Variants in EXD3 observed in about 807,000 individuals in gnomAD.
The protein encoded by EXD3 is exonuclease 3'-5' domain containing 3.
EXD3 carries 92 observed loss-of-function variants against 98.0 expected under a neutral mutation model. That is an observed-to-expected ratio of 0.94 (90% CI 0.79 to 1.12). The LOEUF is 1.12. EXD3 is among the 50% of genes most tolerant of loss of function. The pLI, the probability that EXD3 is intolerant of heterozygous loss-of-function variation, is 0.00. For missense variants in EXD3, 1,222 were observed against 1,191.6 expected (o/e 1.03, Z -0.38); for synonymous variants, 569 against 526.0 (o/e 1.08, Z -1.12).
chr9:137,312,422 C>A (rs1045619086), intron 19 of EXD3, among the ~76,000 whole-genome samples: 1 of 152,220 alleles, frequency 6.6e-6, no homozygotes, highest in South Asian at 2.1e-4. Context: ...GCCGTGCCAG[C>A]CCTGACACAG....
chr9:137,396,594 A>C (rs1053355683), intron 1 of EXD3, among the ~76,000 whole-genome samples: 4 of 152,216 alleles, frequency 2.6e-5, no homozygotes, highest in Non-Finnish European at 5.9e-5. Context: ...CCGCCCAGGC[A>C]GGGTAAGAAT....
At chr9:137,309,870 C>T (rs186000623) in intron 19 of EXD3, among the ~76,000 whole-genome samples, 170 bp from the exon 20 acceptor site, 63 of 152,344 alleles carry the variant, frequency 4.1e-4, no homozygotes, top group African/African-American at 1.4e-3. Flanking sequence ...CAGGCCATAC[C>T]GCCTCCTGGA....
intron 14 of EXD3, among the ~76,000 whole-genome samples, chr9:137,350,403 T>TC (rs1588319223): frequency 4.1e-5 from 2 of 49,304 alleles, no homozygotes; most frequent in Admixed American, 2.7e-4. Context: ...CGGGGAGGGG[T>TC]TAGATAGAGA....
intron 17 of EXD3, among the ~76,000 whole-genome samples, chr9:137,346,238 CAAAAAAA>C (rs563761495): frequency 0.022 from 301 of 13,580 alleles, 2 homozygotes; most frequent in Non-Finnish European, 0.033. Flanking sequence ...GACTCCGTCT[CAAAAAAA>C]AAAAAAAAAA....
At chr9:137,370,604 GAA>G (rs71387830) in intron 5 of EXD3, among the ~76,000 whole-genome samples, 40 of 129,878 alleles carry the variant, frequency 3.1e-4, no homozygotes, top group African/African-American at 7.4e-4. Flanking sequence ...CTGCTTTCAG[GAA>G]AAAAAAAAAA....
chr9:137,378,029 G>A (rs919474081), intron 3 of EXD3, among the ~76,000 whole-genome samples: 2 of 151,474 alleles, frequency 1.3e-5, no homozygotes, highest in Non-Finnish European at 2.9e-5. Context: ...TCCTGACCTC[G>A]TGATTCGCCT....
intron 2 of EXD3, among the ~76,000 whole-genome samples, chr9:137,383,597 C>A (rs916101499): frequency 1.9e-4 from 29 of 152,222 alleles, no homozygotes; most frequent in African/African-American, 6.3e-4. Context: ...GGCCGCCCAT[C>A]CAGCTGAGTC....
At chr9:137,394,133 C>A (rs987643113) in intron 2 of EXD3, among the ~76,000 whole-genome samples, 15 of 151,388 alleles carry the variant, frequency 9.9e-5, no homozygotes, top group Non-Finnish European at 2.2e-4. Flanking sequence ...TAACCCCAGC[C>A]TCCCAGCCTC....
At position 137,332,618 on chromosome 9, in the gene EXD3, C is replaced by T. The variant is rs984595601; in HGVS notation, c.1999-8475G>A. Reference sequence around the variant, plus strand: ...CAGCACTTTGGGAGGCCAAGGCGGGCAGATCACAAGGTCAGGAGATCGAGA... The same window carrying T: ...CAGCACTTTGGGAGGCCAAGGCGGGTAGATCACAAGGTCAGGAGATCGAGA... On this transcript the variant is annotated intron_variant, in intron 17 of 21. Transcript: ENST00000340951. 6.4e-4 allele frequency among the ~76,000 whole-genome samples: 97 copies of T among 150,480 alleles called. 1 individual carries two copies. Among genetic ancestry groups the T allele is most frequent in the African/African-American group, 2.3e-3 (95 of 40,990 alleles).
chr9:137,394,704 CGAGCG>C (rs890128565), intron 2 of EXD3, among the ~76,000 whole-genome samples: 1 of 46,936 alleles, frequency 2.1e-5, no homozygotes, highest in African/African-American at 6.4e-5. Context: ...GGCAGCCGAG[CGAGCG>C]GGGATGCGGC....
chr9:137,308,634 C>CT (rs572242584), intron 20 of EXD3, among the ~76,000 whole-genome samples: 1,973 of 135,948 alleles, frequency 0.015, 32 homozygotes, highest in Middle Eastern at 0.027. Context: ...TGGACTGACC[C>CT]TTTTTTTTTT....
At chr9:137,355,497 G>GACCTAGAAACACTGCAA (rs1564508303) in intron 8 of EXD3, among the ~76,000 whole-genome samples, 2 of 44,750 alleles carry the variant, frequency 4.5e-5, no homozygotes, top group Non-Finnish European at 1.0e-4. Context: ...GAGGATGGAG[G>GACCTAGAAACACTGCAA]AAGGAGGAAG....
At chr9:137,352,494 C>G (rs1834358121) in intron 11 of EXD3, 126 bp downstream of exon 11, 2 of 1,063,236 alleles carry the variant, frequency 1.9e-6, no homozygotes, top group African/African-American at 1.6e-5. Flanking sequence ...TAGCTGCGCT[C>G]TTTGTTTTGT....
Position 137,392,987 on chromosome 9 carries a change from G to A in EXD3, c.55+2316C>T, listed in dbSNP as rs139172267. 3.9e-3 allele frequency: 2,258 copies of A among 580,368 alleles called. 53 individuals carry two copies. In the African/African-American group the frequency reaches 0.041, roughly 10 times the overall value. 36.0% of individuals were successfully genotyped at this position (580,368 alleles called of 1,614,324 possible). ...TGCTGAGGCTGTTCCAGGGGGCACC[G>A]AGGCTGTTCTCGGTGGGGGTGCCGT... On this transcript the variant is annotated intron_variant, in intron 2 of 21. Coordinates refer to ENST00000340951, the MANE Select transcript of EXD3 (RefSeq NM_017820.5).
Position 137,354,781 on chromosome 9 carries a change from G to A in EXD3, c.758-8C>T, listed in dbSNP as rs780840916. 1 of 1,608,152 alleles carries A rather than the reference G, an allele frequency of 6.2e-7. No individual in the cohort carries two copies. Among genetic ancestry groups the A allele is most frequent in the South Asian group, 1.1e-5 (1 of 90,854 alleles). ...CCGCGTTGGGACACAGCGCTGAAAGGAAAGGCCAGCTCAGCACTGAGGGCT... is the reference window on the plus strand; with the variant it reads ...CCGCGTTGGGACACAGCGCTGAAAGAAAAGGCCAGCTCAGCACTGAGGGCT... On this transcript the variant is annotated splice_polypyrimidine_tract_variant and splice_region_variant and intron_variant, in intron 8 of 21. Coordinates refer to ENST00000340951, the MANE Select transcript of EXD3 (RefSeq NM_017820.5).
At chr9:137,342,986 G>T (rs1266812276) in intron 17 of EXD3, among the ~76,000 whole-genome samples, 1 of 152,216 alleles carries the variant, frequency 6.6e-6, no homozygotes, top group Non-Finnish European at 1.5e-5. Flanking sequence ...CGGGCGTGGT[G>T]GTGGGTGCCT....
At chr9:137,399,505 T>C (rs895320196) in intron 1 of EXD3, among the ~76,000 whole-genome samples, 1 of 152,240 alleles carries the variant, frequency 6.6e-6, no homozygotes, top group Admixed American at 6.5e-5. Flanking sequence ...TCATTTCTGC[T>C]ATCACAAATT....
intron 3 of EXD3, among the ~76,000 whole-genome samples, chr9:137,375,495 C>T (rs1397227630): frequency 6.6e-6 from 1 of 152,004 alleles, no homozygotes; most frequent in African/African-American, 2.4e-5. Context: ...CTAGTGAGTC[C>T]TAGCTCTAGT....
At chr9:137,413,154 G>A (rs1253504875) in intron 1 of EXD3, among the ~76,000 whole-genome samples, 5 of 152,004 alleles carry the variant, frequency 3.3e-5, no homozygotes, top group African/African-American at 1.2e-4. Flanking sequence ...ACAACTCGGT[G>A]TTTTCAACAT....
Sources: gnomAD v4.1 joint callset for allele counts (sites outside exome capture counted in the v4.1 genomes callset) on GRCh38, gnomAD v4.1.1 for gene constraint, MANE v1.5 for transcripts, NCBI Gene and HGNC (gene_info 2026-07-23, HGNC 2026-07-21) for gene names.